Variants in BBS9 observed in about 807,000 individuals in gnomAD.
The protein encoded by BBS9 is protein PTHB1.
In BBS9, 89 loss-of-function variants were observed where a neutral mutation model predicts 117.7. The observed-to-expected ratio is 0.76, with a 90% confidence interval of 0.64 to 0.90. BBS9 has a LOEUF of 0.90. Among genes scored for constraint, BBS9 ranks in the 40% least tolerant of loss-of-function variants. The pLI is 0.00. For missense variants in BBS9, 982 were observed against 1,042.2 expected, an observed-to-expected ratio of 0.94 and a Z score of 0.80; for synonymous variants, 379 against 370.9, an observed-to-expected ratio of 1.02 and a Z score of -0.25.
At chr7:33,505,796 T>C (rs1416377146) in intron 20 of BBS9, 151 bp downstream of exon 20, 2 of 850,288 alleles carry the variant, frequency 2.4e-6, no homozygotes, top group African/African-American at 3.4e-5. Context: ...TAAACCATAA[T>C]AAAAATGTCA....
chr7:33,555,695 A>G (rs945952884), intron 21 of BBS9, among the ~76,000 whole-genome samples: 2 of 152,178 alleles, frequency 1.3e-5, no homozygotes, highest in Non-Finnish European at 2.9e-5. Context: ...TAGTTGGCCA[A>G]TGTGTCATTC....
rs552117402 is a variant in BBS9 at position 33,539,499 on chromosome 7, G to A, written c.2521+5323G>A. The stretch of plus-strand genomic sequence containing the variant: ...CAGGAAATTTTTAAAAAGAAAGAGT[G>A]TGTAACATTTGCCTTTTCAGATTAT... On this transcript the variant is annotated intron_variant, in intron 21 of 22. Transcript: ENST00000242067. Among the ~76,000 whole-genome samples the A allele has an allele frequency of 2.0e-5, 3 of 152,326 alleles. No homozygotes were observed. In the South Asian group the frequency reaches 6.2e-4, roughly 32 times the overall value.
chr7:33,269,751 G>A (rs1460068426), intron 7 of BBS9, among the ~76,000 whole-genome samples: 9 of 151,098 alleles, frequency 6.0e-5, no homozygotes, highest in Non-Finnish European at 8.8e-5. Flanking sequence ...AAGGCCAGGC[G>A]CAGTGGCTCA....
chr7:33,314,239 C>CTTT, intron 9 of BBS9: 45 of 350,238 alleles, frequency 1.3e-4, no homozygotes, highest in East Asian at 5.1e-4. Context: ...AATTTCCTTT[C>CTTT]TTTTTTTTTT....
intron 19 of BBS9, among the ~76,000 whole-genome samples, chr7:33,476,883 A>AAT (rs1841878326): frequency 6.6e-6 from 1 of 152,172 alleles, no homozygotes; most frequent in Non-Finnish European, 1.5e-5. Flanking sequence ...TTTATATTGT[A>AAT]ATATATATCT....
intron 20 of BBS9, among the ~76,000 whole-genome samples, chr7:33,510,021 G>GA (rs1419602339): frequency 6.6e-6 from 1 of 152,158 alleles, no homozygotes; most frequent in Non-Finnish European, 1.5e-5. Flanking sequence ...ATATGGGCCA[G>GA]ATGTGTTTTT....
intron 10 of BBS9, among the ~76,000 whole-genome samples, chr7:33,339,803 C>T (rs567205351): frequency 1.2e-4 from 19 of 152,170 alleles, no homozygotes; most frequent in Non-Finnish European, 2.2e-4. Flanking sequence ...ATGGCTAAAA[C>T]AACAAATGGT....
intron 5 of BBS9, among the ~76,000 whole-genome samples, chr7:33,243,511 C>T (rs1794864931): frequency 6.6e-6 from 1 of 152,108 alleles, no homozygotes; most frequent in Non-Finnish European, 1.5e-5. Flanking sequence ...CAGAGGGAGC[C>T]TTTGTCTCAC....
intron 21 of BBS9, among the ~76,000 whole-genome samples, chr7:33,548,508 C>G (rs1853794748): frequency 7.7e-6 from 1 of 129,264 alleles, no homozygotes; most frequent in Admixed American, 8.6e-5. Context: ...TCCCCCCACC[C>G]CACCACAGTC....
At chr7:33,234,803 AT>A (rs1305734387) in intron 5 of BBS9, among the ~76,000 whole-genome samples, 1 of 152,094 alleles carries the variant, frequency 6.6e-6, no homozygotes, top group Non-Finnish European at 1.5e-5. Context: ...ACATCTGAAC[AT>A]TTTAAGGTTT....
chr7:33,273,513 T>TA (rs1800203040), intron 8 of BBS9, among the ~76,000 whole-genome samples: 1 of 152,172 alleles, frequency 6.6e-6, no homozygotes, highest in Non-Finnish European at 1.5e-5. Context: ...TAGTAATGTC[T>TA]AATAGAATGA....
chr7:33,178,050 C>A (rs943356829), intron 5 of BBS9, among the ~76,000 whole-genome samples: 1 of 152,160 alleles, frequency 6.6e-6, no homozygotes, highest in Non-Finnish European at 1.5e-5. Context: ...AAATGGTTGA[C>A]CTTATTGACA....
At chr7:33,518,431 A>G (rs1848132059) in intron 20 of BBS9, among the ~76,000 whole-genome samples, 1 of 151,206 alleles carries the variant, frequency 6.6e-6, no homozygotes, top group Non-Finnish European at 1.5e-5. Flanking sequence ...TTGTACTTTT[A>G]ATAGAGACGG....
At chr7:33,581,941 G>C (rs1240216915) in intron 21 of BBS9, among the ~76,000 whole-genome samples, 1 of 145,008 alleles carries the variant, frequency 6.9e-6, no homozygotes, top group East Asian at 2.0e-4. Context: ...TCCTTCTTTT[G>C]TGTTGTCTAG....
At chr7:33,191,039 T>G (rs1784036180) in intron 5 of BBS9, among the ~76,000 whole-genome samples, 1 of 152,068 alleles carries the variant, frequency 6.6e-6, no homozygotes, top group Non-Finnish European at 1.5e-5. Flanking sequence ...CAAGAGACCT[T>G]CCAGAGAGAG....
intron 19 of BBS9, among the ~76,000 whole-genome samples, chr7:33,464,753 A>T (rs1441494268): frequency 6.6e-6 from 1 of 152,008 alleles, no homozygotes; most frequent in East Asian, 1.9e-4. Context: ...TATTCTCATG[A>T]GTCTATTACA....
At chr7:33,568,764 T>C (rs1450502545) in intron 21 of BBS9, among the ~76,000 whole-genome samples, 1 of 152,200 alleles carries the variant, frequency 6.6e-6, no homozygotes, top group African/African-American at 2.4e-5. Context: ...AATGGTGTTA[T>C]GGTATGCTTC....
At chr7:33,522,591 GTTGT>G (rs1288087693) in intron 20 of BBS9, among the ~76,000 whole-genome samples, 4 of 152,052 alleles carry the variant, frequency 2.6e-5, no homozygotes, top group East Asian at 1.9e-4. Context: ...TTTTGATGGG[GTTGT>G]TTGTTTTTTT....
chr7:33,215,178 G>A (rs1583666797), intron 5 of BBS9, among the ~76,000 whole-genome samples: 1 of 152,130 alleles, frequency 6.6e-6, no homozygotes, highest in Non-Finnish European at 1.5e-5. Flanking sequence ...GGGCAACAGA[G>A]CGAGACTCCG....
Sources: gnomAD v4.1 joint callset for allele counts (sites outside exome capture counted in the v4.1 genomes callset) on GRCh38, gnomAD v4.1.1 for gene constraint, MANE v1.5 for transcripts, NCBI Gene and HGNC (gene_info 2026-07-23, HGNC 2026-07-21) for gene names.